The following CHRNB2 variants were observed in gnomAD, a reference collection of about 807,000 sequenced individuals.
CHRNB2 encodes cholinergic receptor nicotinic beta 2 subunit.
CHRNB2 carries 33 observed loss-of-function variants against 42.7 expected under a neutral mutation model. The ratio of observed to expected loss-of-function variants is 0.77; its 90% CI spans 0.59 to 1.03. The LOEUF is 1.03. CHRNB2 is among the 50% of genes least tolerant of loss of function. CHRNB2 has a pLI of 0.00. For synonymous variants in CHRNB2, 325 were observed against 292.9 expected, an observed-to-expected ratio of 1.11 and a Z score of -1.12; for missense variants, 603 against 700.9, an observed-to-expected ratio of 0.86 and a Z score of 1.58.
At chr1:154,574,509 G>C (rs911128339) in intron 5 of CHRNB2, among the ~76,000 whole-genome samples, 5 of 152,124 alleles carry the variant, frequency 3.3e-5, no homozygotes, top group African/African-American at 1.2e-4. Context: ...CAGGCCGGCT[G>C]AATGTCCCTC....
In CHRNB2 at chr1:154,571,244, G is replaced by A; in HGVS notation, c.421G>A (p.Gly141Ser). 6.2e-7 allele frequency: 1 copy of A among 1,614,124 alleles called. No homozygotes were observed. The highest frequency in any genetic ancestry group is 8.5e-7 in the Non-Finnish European group (1 of 1,180,030). Reference sequence around the variant, plus strand: ...TTCCAATGCCGTGGTCTCCTATGATGGCAGCATCTTCTGGCTGCCGCCTGC... The same window carrying A: ...TTCCAATGCCGTGGTCTCCTATGATAGCAGCATCTTCTGGCTGCCGCCTGC... ...FYSNAVVSYD[G>S]SIFWLPPAIY... The change falls in exon 5 of 6, where the codon GGC (glycine) becomes AGC (serine). Residue 141 changes from glycine to serine, a missense_variant. Around this residue, in one of 2 missense-constraint regions of CHRNB2, gnomAD observed 333 missense variants for 452.6 expected, o/e 0.74. Coordinates refer to ENST00000368476, the MANE Select transcript of CHRNB2 (RefSeq NM_000748.3). The surrounding 1 kb of genome is among the most constrained non-coding windows in gnomAD (Gnocchi z 6.8).
rs1410375294 is a variant in CHRNB2 at position 154,579,853 on chromosome 1, T to G, written c.*3921T>G. The stretch of plus-strand genomic sequence containing the variant: ...GGTCAGACTCATTAGGAACTCAAGA[T>G]TCTCGTAAAGAAAGTTGTTTCCAAA... On this transcript the variant is annotated 3_prime_UTR_variant, in exon 6 of 6. Transcript: ENST00000368476. 1 of 152,330 alleles carries G rather than the reference T, an allele frequency of 6.6e-6. No homozygotes were observed. Among genetic ancestry groups the G allele is most frequent in the African/African-American group, 2.4e-5 (1 of 41,456 alleles). The allele number at this position is 152,330 out of a possible 1,614,324, so 9.4% of individuals were successfully genotyped here.
rs908723251 is a variant in CHRNB2, at chr1:154,572,079, C to T, written c.1256C>T (p.Pro419Leu). ...PVAGPGRSGE[P>L]CGCGLREAVD... ...GCGGGCCCCGGGCGCTCAGGGGAGC[C>T]GTGTGGCTGTGGCCTCCGGGAGGCG... Residue 419 changes from proline (P) to leucine (L), a missense_variant, in exon 5 of 6, where the codon CCG (proline) becomes CTG (leucine). Pro to Leu is a moderately conservative substitution (Grantham distance 98). Transcript: ENST00000368476. 1.6e-5 allele frequency: 25 copies of T among 1,535,632 alleles called. No homozygotes were observed. Among genetic ancestry groups the T allele is most frequent in the Non-Finnish European group, 2.1e-5 (24 of 1,146,322 alleles).
rs1286192889 is a variant in CHRNB2 at position 154,571,949 on chromosome 1, C to G, written c.1126C>G (p.Leu376Val). 1.2e-5 allele frequency: 19 copies of G among 1,547,388 alleles called. No individual in the cohort carries two copies. Among genetic ancestry groups the G allele is most frequent in the Non-Finnish European group, 1.3e-5 (15 of 1,151,474 alleles). ...GCGTGAGCGCGAGGGCGCTGGAGCC[C>G]TCTTCTTCCGCGAAGCCCCAGGGGC... The part of the protein sequence containing the change: ...RQREREGAGA[L>V]FFREAPGADS... Residue 376 changes from leucine (L) to valine (V), a missense_variant, in exon 5 of 6, where the codon CTC (leucine) becomes GTC (valine). Around this residue, in one of 2 missense-constraint regions of CHRNB2, gnomAD observed 270 missense variants for 248.3 expected, o/e 1.09. Transcript: ENST00000368476. This position sits in a 1 kb window ranked among gnomAD's most constrained non-coding sequence, Gnocchi z 6.8.
At chr1:154,568,715 C>T (rs1369216012) in intron 1 of CHRNB2, among the ~76,000 whole-genome samples, 2 of 151,812 alleles carry the variant, frequency 1.3e-5, no homozygotes, top group South Asian at 2.1e-4. Context: ...TGCAGAGTTG[C>T]AGAGGGGGAT....
Position 154,572,004 on chromosome 1 carries a change from C to G in CHRNB2, c.1181C>G (p.Ala394Gly), listed in dbSNP as rs1341049884. The change falls in exon 5 of 6, where the codon GCG (alanine) becomes GGG (glycine). Residue 394 changes from alanine (A) to glycine (G), a missense_variant. Ala to Gly is a moderately conservative substitution (Grantham distance 60). This residue lies in a region of CHRNB2 where 270 missense variants were observed against 248.3 expected (regional missense o/e 1.09). Transcript: ENST00000368476. ...TCCTGCACGTGCTTCGTCAACCGCG[C>G]GTCGGTGCAGGGGTTGGCCGGGGCC... ...ADSCTCFVNR[A>G]SVQGLAGAFG... 8 of 1,535,042 alleles carry G rather than the reference C, an allele frequency of 5.2e-6. No individual in the cohort carries two copies. The highest frequency in any genetic ancestry group is 2.6e-6 in the Non-Finnish European group (3 of 1,145,532).
At chr1:154,569,964 T>C (rs560525383) in intron 3 of CHRNB2, 128 bp downstream of exon 3, 18 of 1,082,348 alleles carry the variant, frequency 1.7e-5, no homozygotes, top group Non-Finnish European at 2.5e-5. Flanking sequence ...TCCTAAACAA[T>C]TGGATTTGAA....
intron 1 of CHRNB2, 38 bp downstream of exon 1, chr1:154,568,146 C>A: frequency 6.4e-7 from 1 of 1,573,950 alleles, no homozygotes; most frequent in South Asian, 1.2e-5. Flanking sequence ...TTCTCCTACC[C>A]CAGCCAACGG....
At position 154,571,252 on chromosome 1, in the gene CHRNB2, C is replaced by T. The variant is rs369264665; in HGVS notation, c.429C>T (p.Ile143=). 2.5e-6 allele frequency: 4 copies of T among 1,614,116 alleles called. No homozygotes were observed. The highest frequency in any genetic ancestry group is 3.4e-6 in the Non-Finnish European group (4 of 1,180,054). ...CCGTGGTCTCCTATGATGGCAGCAT[C>T]TTCTGGCTGCCGCCTGCCATCTACA... The part of the protein sequence containing the change: ...SNAVVSYDGS[I]FWLPPAIYKS... Residue 143 remains isoleucine (I), a synonymous_variant, in exon 5 of 6, where the codon ATC becomes ATT. Coordinates refer to ENST00000368476, the MANE Select transcript of CHRNB2 (RefSeq NM_000748.3). This position sits in a 1 kb window ranked among gnomAD's most constrained non-coding sequence, Gnocchi z 6.8.
At position 154,569,783 on chromosome 1, in the gene CHRNB2, T is replaced by C; in HGVS notation, c.211-9T>C. ...GGGCCTTCTCGGCAGCCTCTCTTCC[T>C]CCCTGCAGCATGAGCGGGAGCAGAT... On this transcript the variant is annotated splice_polypyrimidine_tract_variant and intron_variant, in intron 2 of 5. Transcript: ENST00000368476. The C allele has an allele frequency of 6.2e-7, 1 of 1,614,106 alleles. No homozygotes were observed. Among genetic ancestry groups the C allele is most frequent in the East Asian group, 2.2e-5 (1 of 44,876 alleles).
Position 154,571,255 on chromosome 1 carries a change from C to T in CHRNB2, c.432C>T (p.Phe144=), listed in dbSNP as rs199536721. ...NAVVSYDGSI[F]WLPPAIYKSA... is the part of the protein sequence containing the mutation. The stretch of plus-strand genomic sequence containing the variant: ...TGGTCTCCTATGATGGCAGCATCTT[C>T]TGGCTGCCGCCTGCCATCTACAAGA... Residue 144 remains phenylalanine (F), a synonymous_variant, in exon 5 of 6, where the codon TTC becomes TTT. Transcript: ENST00000368476. This position sits in a 1 kb window ranked among gnomAD's most constrained non-coding sequence, Gnocchi z 6.8. The T allele has an allele frequency of 4.0e-5, 64 of 1,614,132 alleles. No homozygotes were observed. The highest frequency in any genetic ancestry group is 1.6e-4 in the Middle Eastern group (1 of 6,084).
rs1260864045 is a variant in CHRNB2 at position 154,579,886 on chromosome 1, T to C, written c.*3954T>C. 1 of 152,394 alleles carries C rather than the reference T, an allele frequency of 6.6e-6. No individual in the cohort carries two copies. Among genetic ancestry groups the C allele is most frequent in the Non-Finnish European group, 1.5e-5 (1 of 68,164 alleles). The allele number at this position is 152,394 out of a possible 1,614,324, so 9.4% of individuals were successfully genotyped here. On this transcript the variant is annotated 3_prime_UTR_variant, in exon 6 of 6. Transcript: ENST00000368476. ...AAGAAAGTTGTTTCCAAAGTTGTCTTGTCACTCTATTTGGGGGTTGGGAGA... is the reference window on the plus strand; with the variant it reads ...AAGAAAGTTGTTTCCAAAGTTGTCTCGTCACTCTATTTGGGGGTTGGGAGA...
Position 154,571,613 on chromosome 1 carries a change from G to A in CHRNB2, c.790G>A (p.Glu264Lys), listed in dbSNP as rs1212070745. 2 of 1,614,192 alleles carry A rather than the reference G, an allele frequency of 1.2e-6. No homozygotes were observed. The highest frequency in any genetic ancestry group is 2.2e-5 in the East Asian group (1 of 44,886). Residue 264 changes from glutamate to lysine, a missense_variant, in exon 5 of 6, where the codon GAG (glutamate) becomes AAG (lysine). Transcript: ENST00000368476. The surrounding 1 kb of genome is among the most constrained non-coding windows in gnomAD (Gnocchi z 6.8). ...CTTCTACCTGCCATCCGACTGTGGC[G>A]AGAAGATGACGTTGTGCATCTCAGT... ...LVFYLPSDCGEKMTLCISVLL... is the reference protein window; with the variant it reads ...LVFYLPSDCGKKMTLCISVLL...
At position 154,576,317 on chromosome 1, in the gene CHRNB2, AG is replaced by A. The variant is rs2101528378; in HGVS notation, c.*389del. 2.8e-6 allele frequency: 1 copy of A among 352,802 alleles called. No homozygotes were observed. Among genetic ancestry groups the A allele is most frequent in the East Asian group, 7.2e-5 (1 of 13,884 alleles). 21.9% of individuals were successfully genotyped at this position (352,802 alleles called of 1,614,324 possible). On this transcript the variant is annotated 3_prime_UTR_variant, in exon 6 of 6. Transcript: ENST00000368476. ...CATGGGAGAAGAGGGGTATAGGACA[AG>A]GGGTGGAAGGGCAGGAGCTCACACC...
intron 5 of CHRNB2, among the ~76,000 whole-genome samples, chr1:154,574,073 C>G (rs984291151): frequency 6.6e-6 from 1 of 152,164 alleles, no homozygotes; most frequent in Non-Finnish European, 1.5e-5. Context: ...CTTAAGCAAG[C>G]CAAGCTCTTT....
rs71651692 is a variant in CHRNB2 at position 154,569,474 on chromosome 1, C to A, written c.77C>A (p.Thr26Lys). The A allele has an allele frequency of 6.2e-7, 1 of 1,613,694 alleles. No individual in the cohort carries two copies. Among genetic ancestry groups the A allele is most frequent in the Non-Finnish European group, 8.5e-7 (1 of 1,179,940 alleles). The change falls in exon 2 of 6, where the codon ACG (threonine) becomes AAG (lysine). Residue 26 changes from threonine (T) to lysine (K), a missense_variant. Coordinates refer to ENST00000368476, the MANE Select transcript of CHRNB2 (RefSeq NM_000748.3). ...TTCCCCTGCCCAGGGGTGTGGGGTA[C>A]GGATACAGAGGAGCGGCTGGTGGAG... is the stretch of plus-strand genomic sequence containing the variant. ...LLRLCSGVWG[T>K]DTEERLVEHL...
chr1:154,571,146 A>G lies in CHRNB2; in HGVS notation c.366-43A>G. On this transcript the variant is annotated intron_variant, in intron 4 of 5. Transcript: ENST00000368476. The surrounding 1 kb of genome is among the most constrained non-coding windows in gnomAD (Gnocchi z 6.8). ...GGGCTGGGTTGATGGGTAAGGAGGAAGGAACGCTTAGGCCAGGGCTGACTG... is the reference window on the plus strand; with the variant it reads ...GGGCTGGGTTGATGGGTAAGGAGGAGGGAACGCTTAGGCCAGGGCTGACTG... 1 of 1,613,720 alleles carries G rather than the reference A, an allele frequency of 6.2e-7. No homozygotes were observed. Among genetic ancestry groups the G allele is most frequent in the South Asian group, 1.1e-5 (1 of 90,964 alleles).
chr1:154,574,434 G>T (rs1298399543), intron 5 of CHRNB2, among the ~76,000 whole-genome samples: 2 of 152,160 alleles, frequency 1.3e-5, no homozygotes, highest in African/African-American at 4.8e-5. Flanking sequence ...CATGTCTCTA[G>T]TTTCCTTCAA....
In CHRNB2 at chr1:154,572,027, G is replaced by A. The variant is rs199658508; in HGVS notation, c.1204G>A (p.Ala402Thr). 25 of 1,533,562 alleles carry A rather than the reference G, an allele frequency of 1.6e-5. No homozygotes were observed. The highest frequency in any genetic ancestry group is 7.9e-5 in the Admixed American group (4 of 50,818). The allele number at this position is 1,533,562 out of a possible 1,614,324, so 95.0% of individuals were successfully genotyped here. Residue 402 changes from alanine (A) to threonine (T), a missense_variant, in exon 5 of 6, where the codon GCC becomes ACC. Coordinates refer to ENST00000368476, the MANE Select transcript of CHRNB2 (RefSeq NM_000748.3). Reference protein sequence around the residue: ...NRASVQGLAGAFGAEPAPVAG... With the variant: ...NRASVQGLAGTFGAEPAPVAG... ...CGCGTCGGTGCAGGGGTTGGCCGGG[G>A]CCTTCGGGGCTGAGCCTGCACCAGT...
Sources: allele counts gnomAD v4.1 joint callset (sites outside exome capture counted in the v4.1 genomes callset), GRCh38; gene constraint gnomAD v4.1.1; regional missense constraint gnomAD v4.1.1; non-coding constraint Gnocchi (gnomAD v3.1); transcripts MANE v1.5; gene names NCBI Gene and HGNC (gene_info 2026-07-23, HGNC 2026-07-21).